Variants in ART3 observed in about 807,000 individuals in gnomAD.
ART3 encodes the protein ecto-ADP-ribosyltransferase 3.
ART3 carries 49 observed loss-of-function variants against 48.5 expected under a neutral mutation model. That is an observed-to-expected ratio of 1.01 (90% CI 0.80 to 1.28). The LOEUF (loss-of-function observed/expected upper bound fraction) is 1.28, where lower values mean the gene tolerates loss of function less well. Ranked by LOEUF, ART3 falls within the 50% of genes most tolerant of loss-of-function variation. ART3 has a pLI of 0.00. For missense variants in ART3, 438 were observed against 454.3 expected (o/e 0.96, Z 0.33); for synonymous variants, 145 against 157.2 (o/e 0.92, Z 0.58).
chr4:76,110,078 CCAGCAGTGTA>C (rs1275448315), intron 11 of ART3, among the ~76,000 whole-genome samples: 1 of 151,460 alleles, frequency 6.6e-6, no homozygotes, highest in Non-Finnish European at 1.5e-5. Flanking sequence ...AAGAGTTTCT[CCAGCAGTGTA>C]TGTATGGAGG....
chr4:76,050,952 T>G (rs1211690821), intron 1 of ART3, among the ~76,000 whole-genome samples: 2 of 152,214 alleles, frequency 1.3e-5, no homozygotes, highest in East Asian at 1.9e-4. Context: ...CTGCTCCGAG[T>G]GCGGGGCCCG....
chr4:76,020,083 C>G (rs530841986), intron 1 of ART3, among the ~76,000 whole-genome samples: 329 of 149,908 alleles, frequency 2.2e-3, no homozygotes, highest in Non-Finnish European at 3.7e-3. Flanking sequence ...ATGCTTCTTA[C>G]TTCTGTGAAA....
intron 1 of ART3, among the ~76,000 whole-genome samples, chr4:76,022,198 C>T (rs1212939108): frequency 6.6e-6 from 1 of 152,190 alleles, no homozygotes; most frequent in Non-Finnish European, 1.5e-5. Flanking sequence ...TGATACTTAT[C>T]ACACAAGATG....
chr4:76,052,701 C>T (rs191489232), intron 1 of ART3, among the ~76,000 whole-genome samples: 2,795 of 139,242 alleles, frequency 0.02, 28 homozygotes, highest in Admixed American at 0.029. Flanking sequence ...TGCGTGTACC[C>T]AATTTCTTTT....
chr4:76,049,610 A>G (rs1313044153), intron 1 of ART3, among the ~76,000 whole-genome samples: 1 of 148,206 alleles, frequency 6.7e-6, no homozygotes, highest in Non-Finnish European at 1.5e-5. Flanking sequence ...GTCTCTTTTA[A>G]CTGGCCGACA....
At chr4:76,090,476 A>T (rs984393195) in intron 3 of ART3, among the ~76,000 whole-genome samples, 2 of 152,248 alleles carry the variant, frequency 1.3e-5, no homozygotes, top group Non-Finnish European at 2.9e-5. Context: ...ATCAGCTGTG[A>T]GTATAGTCAT....
At chr4:76,013,648 T>C (rs565721515) in intron 1 of ART3, among the ~76,000 whole-genome samples, 24 of 152,242 alleles carry the variant, frequency 1.6e-4, no homozygotes, top group Non-Finnish European at 2.9e-4. Context: ...AAAAAGATTT[T>C]ACTCTCTTGG....
intron 1 of ART3, among the ~76,000 whole-genome samples, chr4:76,015,603 G>C (rs1732185233): frequency 6.6e-6 from 1 of 152,156 alleles, no homozygotes; most frequent in Non-Finnish European, 1.5e-5. Context: ...ATTAAGCTCT[G>C]GCCTAATGAG....
At chr4:76,080,649 T>C (rs1435208197) in intron 2 of ART3, among the ~76,000 whole-genome samples, 1 of 152,146 alleles carries the variant, frequency 6.6e-6, no homozygotes, top group Non-Finnish European at 1.5e-5. Context: ...TAGCTGGGAT[T>C]ACAGGCGCCT....
intron 2 of ART3, among the ~76,000 whole-genome samples, chr4:76,080,541 T>C (rs1451217533): frequency 6.6e-6 from 1 of 152,104 alleles, no homozygotes; most frequent in Admixed American, 6.6e-5. Context: ...GATGGAGTTT[T>C]GCTCTTTTGC....
At chr4:76,036,578 C>T (rs1054354658) in intron 1 of ART3, among the ~76,000 whole-genome samples, 2 of 151,892 alleles carry the variant, frequency 1.3e-5, no homozygotes, top group African/African-American at 2.4e-5. Flanking sequence ...AAAGAAGTTT[C>T]CCTGTGTTTC....
intron 1 of ART3, chr4:76,022,965 A>G (rs1338647881): frequency 1.3e-6 from 1 of 770,986 alleles, no homozygotes; most frequent in Non-Finnish European, 2.1e-6. Context: ...TCATAACACA[A>G]CTGTAAATGA....
At chr4:76,038,855 T>C (rs536676907) in intron 1 of ART3, among the ~76,000 whole-genome samples, 242 of 152,182 alleles carry the variant, frequency 1.6e-3, no homozygotes, top group Non-Finnish European at 2.5e-3. Context: ...CCCAAGTAGC[T>C]GGGATTACAG....
intron 1 of ART3, among the ~76,000 whole-genome samples, chr4:76,064,133 G>A (rs1486345407): frequency 6.6e-6 from 1 of 152,188 alleles, no homozygotes; most frequent in Admixed American, 6.5e-5. Flanking sequence ...GGCCTGGAGA[G>A]CAGTTTGTCC....
rs531612162 is a variant in ART3 at position 76,044,578 on chromosome 4, C to T, written c.-9-31303C>T. ...TGTTTTTTCTTTACTACTTCCATCT[C>T]TTTCTTTCTCTCTTCAACTTCTTTG... On this transcript the variant is annotated intron_variant, in intron 1 of 9. Transcript: ENST00000341029. Among the ~76,000 whole-genome samples, 4 of 152,010 alleles carry T rather than the reference C, an allele frequency of 2.6e-5. No individual in the cohort carries two copies. In the East Asian group the frequency reaches 7.7e-4, roughly 29 times the overall value.
At chr4:76,065,437 A>G (rs1331595135) in intron 1 of ART3, among the ~76,000 whole-genome samples, 1 of 151,954 alleles carries the variant, frequency 6.6e-6, no homozygotes, top group Non-Finnish European at 1.5e-5. Flanking sequence ...GAATGTACAA[A>G]CTCCACATAG....
rs551862801 is a variant in ART3 at position 76,104,744 on chromosome 4, A to T, written c.1003+115A>T. 1.7e-5 allele frequency: 22 copies of T among 1,291,338 alleles called. No individual in the cohort carries two copies. The South Asian group carries it at 1.7e-4, about 10-fold the overall frequency. The allele number at this position is 1,291,338 out of a possible 1,614,324, so 80.0% of individuals were successfully genotyped here. A position where few individuals can be genotyped will look rare whatever the true frequency, so the allele number is the denominator to read the frequency against. On this transcript the variant is annotated intron_variant, in intron 10 of 11. Transcript: ENST00000355810. ...TAATTGTCATCTATCAAATGTAGCC[A>T]TCAGTAGTCACATGTACATGACAGG...
intron 11 of ART3, among the ~76,000 whole-genome samples, chr4:76,109,776 A>G (rs4241582): frequency 0.55 from 83,835 of 152,082 alleles, 25,498 homozygotes; most frequent in African/African-American, 0.81. Flanking sequence ...ATCATTATGC[A>G]TTGCACGACT....
chr4:76,096,373 T>A (rs901912511), intron 3 of ART3, among the ~76,000 whole-genome samples: 10 of 152,334 alleles, frequency 6.6e-5, no homozygotes, highest in Middle Eastern at 3.4e-3. Context: ...GGGTTTTTGG[T>A]TCAGACACTC....
Sources: allele counts gnomAD v4.1 joint callset (sites outside exome capture counted in the v4.1 genomes callset), GRCh38; gene constraint gnomAD v4.1.1; transcripts MANE v1.5; gene names NCBI Gene and HGNC (gene_info 2026-07-23, HGNC 2026-07-21).